RANBP2: variants seen among roughly 807,000 people sequenced by gnomAD.
RANBP2 encodes the protein RAN binding protein 2.
A neutral mutation model predicts 303.6 loss-of-function variants in RANBP2; 57 were observed. The observed-to-expected ratio is 0.19, with a 90% CI of 0.15 to 0.23. The LOEUF (loss-of-function observed/expected upper bound fraction) is 0.23, where lower values mean the gene tolerates loss of function less well. Among genes scored for constraint, RANBP2 ranks in the 10% least tolerant of loss-of-function variants. RANBP2 has a pLI of 1.00. For synonymous variants in RANBP2, 1,167 were observed against 1,301.5 expected, an observed-to-expected ratio of 0.90 and a Z score of 2.23; for missense variants, 3,138 against 3,780.8, an observed-to-expected ratio of 0.83 and a Z score of 4.46.
the RANBP2 span, among the ~76,000 whole-genome samples, chr2:109,249,958 A>C: frequency 1.3e-5 from 2 of 151,952 alleles, no homozygotes; most frequent in Non-Finnish European, 2.9e-5. Context: ...TGCTGGGATT[A>C]CAGGCGTGAG....
intron 17 of RANBP2, among the ~76,000 whole-genome samples, chr2:108,756,497 A>T (rs1676325043): frequency 6.6e-6 from 1 of 152,232 alleles, no homozygotes; most frequent in Non-Finnish European, 1.5e-5. Context: ...TTACAGTGTG[A>T]TCAGCAGTAT....
chr2:109,593,526 CT>C, the RANBP2 span, among the ~76,000 whole-genome samples: 1 of 151,688 alleles, frequency 6.6e-6, no homozygotes, highest in Non-Finnish European at 1.5e-5. Flanking sequence ...CTGCCTCAGC[CT>C]CCTGAGTAGC....
At chr2:109,240,164 C>G in the RANBP2 span, among the ~76,000 whole-genome samples, 1 of 152,198 alleles carries the variant, frequency 6.6e-6, no homozygotes, top group Non-Finnish European at 1.5e-5. Context: ...AACCATGGAT[C>G]ACCCATTTAT....
the RANBP2 span, among the ~76,000 whole-genome samples, chr2:109,300,928 G>A: frequency 1.3e-5 from 2 of 152,226 alleles, no homozygotes; most frequent in East Asian, 3.9e-4. Context: ...GAAGGTGAGG[G>A]CCACAGCATG....
At chr2:109,569,018 T>C in the RANBP2 span, among the ~76,000 whole-genome samples, 1 of 152,322 alleles carries the variant, frequency 6.6e-6, no homozygotes, top group South Asian at 2.1e-4. Flanking sequence ...GACTGATAGC[T>C]CCACAAATTT....
chr2:109,450,271 G>A, the RANBP2 span, among the ~76,000 whole-genome samples: 12 of 152,030 alleles, frequency 7.9e-5, no homozygotes, highest in African/African-American at 2.2e-4. Flanking sequence ...ACTGGAAACC[G>A]GGGGGCAGAG....
the RANBP2 span, among the ~76,000 whole-genome samples, chr2:108,918,595 A>G: frequency 6.6e-5 from 10 of 152,126 alleles, no homozygotes; most frequent in East Asian, 1.9e-3. Context: ...ATGAGCGGGG[A>G]CTGGTTCTGC....
chr2:108,914,748 A>G, the RANBP2 span, among the ~76,000 whole-genome samples: 2 of 152,206 alleles, frequency 1.3e-5, no homozygotes, highest in Non-Finnish European at 2.9e-5. Flanking sequence ...CGTGAAGTGC[A>G]CTTGGTCTAC....
At chr2:108,748,037 G>A (rs1261255612) in intron 8 of RANBP2, among the ~76,000 whole-genome samples, 1 of 152,040 alleles carries the variant, frequency 6.6e-6, no homozygotes, top group East Asian at 1.9e-4. Flanking sequence ...CACATAAATG[G>A]AATCATATAG....
At chr2:109,348,201 T>C in the RANBP2 span, among the ~76,000 whole-genome samples, 2,763 of 152,266 alleles carry the variant, frequency 0.018, 84 homozygotes, top group African/African-American at 0.063. Context: ...ACATAGGAGC[T>C]TGAGATAATA....
intron 27 of RANBP2, 51 bp from the exon 28 acceptor site, chr2:108,782,477 A>G (rs368191116): frequency 2.4e-5 from 38 of 1,613,390 alleles, no homozygotes; most frequent in Non-Finnish European, 3.1e-5. Context: ...AACAACTTAT[A>G]ACAGTTATTT....
the RANBP2 span, chr2:109,129,638 G>A: frequency 1.1e-4 from 167 of 1,495,632 alleles, no homozygotes; most frequent in African/African-American, 2.2e-3. Flanking sequence ...CGACGGCGGC[G>A]TCGGGCGGCG....
chr2:109,322,157 C>T, the RANBP2 span, among the ~76,000 whole-genome samples: 1 of 152,138 alleles, frequency 6.6e-6, no homozygotes, highest in East Asian at 1.9e-4. Context: ...AAGAGAGAGA[C>T]AAGACACGGA....
the RANBP2 span, among the ~76,000 whole-genome samples, chr2:108,971,301 T>A: frequency 6.6e-6 from 1 of 152,118 alleles, no homozygotes; most frequent in Admixed American, 6.5e-5. Flanking sequence ...GAGTGGTCCC[T>A]GGGATGCACT....
the RANBP2 span, among the ~76,000 whole-genome samples, chr2:109,028,461 G>A: frequency 1.1e-3 from 160 of 152,274 alleles, 1 homozygote; most frequent in African/African-American, 3.7e-3. Context: ...GTTGCTGGGA[G>A]GCCTGTCTCC....
the RANBP2 span, among the ~76,000 whole-genome samples, chr2:108,908,737 C>G: frequency 1.3e-5 from 2 of 152,172 alleles, no homozygotes; most frequent in African/African-American, 2.4e-5. Context: ...AAACAATATT[C>G]TTTTTTAGAG....
chr2:108,763,816 A>G lies in RANBP2; in HGVS notation c.3277A>G (p.Ile1093Val), dbSNP rs775993005. 5 of 1,614,018 alleles carry G rather than the reference A, an allele frequency of 3.1e-6. No individual in the cohort carries two copies. Among genetic ancestry groups the G allele is most frequent in the Non-Finnish European group, 3.4e-6 (4 of 1,180,000 alleles). The change falls in exon 20 of 29, where the codon ATT becomes GTT. Residue 1093 changes from isoleucine (I) to valine (V), a missense_variant. Physicochemically the swap from Ile to Val is conservative, Grantham distance 29. Coordinates refer to ENST00000283195, the MANE Select transcript of RANBP2 (RefSeq NM_006267.5). Reference sequence around the variant, plus strand: ...CAAACCAATTCCTGGTGGTCAAACCATTGGGCCTCGAAATACATTCAATTT... The same window carrying G: ...CAAACCAATTCCTGGTGGTCAAACCGTTGGGCCTCGAAATACATTCAATTT... ...GAKPIPGGQTIGPRNTFNFGS... is the reference protein window; with the variant it reads ...GAKPIPGGQTVGPRNTFNFGS...
At chr2:109,586,805 C>T in the RANBP2 span, among the ~76,000 whole-genome samples, 5 of 152,234 alleles carry the variant, frequency 3.3e-5, no homozygotes, top group East Asian at 1.9e-4. Flanking sequence ...GAGTAAGGTC[C>T]ATAACTCAGC....
the RANBP2 span, among the ~76,000 whole-genome samples, chr2:108,950,664 T>C: frequency 2.0e-5 from 3 of 152,252 alleles, no homozygotes; most frequent in Non-Finnish European, 4.4e-5. Context: ...CTCTGCTCTG[T>C]TGGAGCTGCC....
Sources: gnomAD v4.1 joint callset for allele counts (sites outside exome capture counted in the v4.1 genomes callset) on GRCh38, gnomAD v4.1.1 for gene constraint, MANE v1.5 for transcripts, NCBI Gene and HGNC (gene_info 2026-07-23, HGNC 2026-07-21) for gene names.